Variants in PHYH observed in about 807,000 individuals in gnomAD.
PHYH encodes phytanoyl-CoA 2-hydroxylase, also known as phytanoyl-CoA dioxygenase, peroxisomal.
PHYH carries 32 observed loss-of-function variants against 38.5 expected under a neutral mutation model. The ratio of observed to expected loss-of-function variants is 0.83; its 90% CI spans 0.63 to 1.12. The LOEUF (loss-of-function observed/expected upper bound fraction) is 1.12, where lower values mean the gene tolerates loss of function less well. PHYH is among the 50% of genes most tolerant of loss of function. The pLI is 0.00. For missense variants in PHYH, 426 were observed against 434.8 expected (o/e 0.98, Z 0.18); for synonymous variants, 166 against 157.9 (o/e 1.05, Z -0.38).
intron 2 of PHYH, among the ~76,000 whole-genome samples, chr10:13,296,270 T>TGTTCAAAATGTTAACTATG (rs11271295): frequency 0.49 from 73,746 of 151,440 alleles, 19,058 homozygotes; most frequent in East Asian, 0.72. Flanking sequence ...TTACGCTTTA[T>TGTTCAAAATGTTAACTATG]GTCACCAAAA....
At chr10:13,297,299 T>C (rs1309992623) in intron 2 of PHYH, among the ~76,000 whole-genome samples, 1 of 152,184 alleles carries the variant, frequency 6.6e-6, no homozygotes, top group African/African-American at 2.4e-5. Context: ...AGCATACCCA[T>C]AAACTCAAAT....
chr10:13,297,870 G>C (rs1199962417), intron 2 of PHYH, among the ~76,000 whole-genome samples: 1 of 151,994 alleles, frequency 6.6e-6, no homozygotes, highest in Admixed American at 6.5e-5. Context: ...CAAGGCAGGA[G>C]GATTGCTTTA....
intron 2 of PHYH, among the ~76,000 whole-genome samples, chr10:13,297,629 T>C (rs1832598022): frequency 6.6e-6 from 1 of 151,910 alleles, no homozygotes; most frequent in Non-Finnish European, 1.5e-5. Flanking sequence ...AATTTTTGTA[T>C]TTTTTCATTT....
chr10:13,278,499 T>C, intron 8 of PHYH, 145 bp from the exon 9 acceptor site: 1 of 691,052 alleles, frequency 1.4e-6, no homozygotes, highest in East Asian at 2.7e-5. Flanking sequence ...TTATATTCAT[T>C]AGTAAACAAA....
Position 13,280,958 on chromosome 10 carries a change from T to C in PHYH, c.963+18A>G. The C allele has an allele frequency of 6.2e-7, 1 of 1,612,272 alleles. No individual in the cohort carries two copies. On this transcript the variant is annotated intron_variant, in intron 8 of 8. Transcript: ENST00000263038. ...GAAAAACCTGAGATTTTTACCTTGC[T>C]ATTGTATACAAACATACCTTCAAGT... is the stretch of plus-strand genomic sequence containing the variant.
chr10:13,284,766 G>T (rs72781351), intron 6 of PHYH, among the ~76,000 whole-genome samples: 1 of 152,130 alleles, frequency 6.6e-6, no homozygotes, highest in African/African-American at 2.4e-5. Flanking sequence ...CTTTATTAAA[G>T]AAATTGACAT....
intron 1 of PHYH, among the ~76,000 whole-genome samples, chr10:13,298,562 G>T (rs1030960951): frequency 1.3e-5 from 2 of 151,960 alleles, no homozygotes; most frequent in African/African-American, 4.8e-5. Flanking sequence ...TTAGCCAGGC[G>T]TGGTGGCGTT....
chr10:13,296,050 C>A (rs547655040), intron 2 of PHYH, among the ~76,000 whole-genome samples: 1 of 151,854 alleles, frequency 6.6e-6, no homozygotes, highest in Non-Finnish European at 1.5e-5. Flanking sequence ...CACCTGTAAT[C>A]CCAGCTACCC....
At chr10:13,281,227 G>A (rs1232120650) in intron 7 of PHYH, 117 bp from the exon 8 acceptor site, 1 of 1,026,760 alleles carries the variant, frequency 9.7e-7, no homozygotes, top group East Asian at 2.5e-5. Flanking sequence ...ATTTCTAAGT[G>A]GAAAGTCAGG....
chr10:13,279,048 G>C (rs1336729687), intron 8 of PHYH, among the ~76,000 whole-genome samples: 2 of 151,676 alleles, frequency 1.3e-5, no homozygotes, highest in Non-Finnish European at 2.9e-5. Context: ...GCCCAGGCTG[G>C]AGTGCAATGG....
chr10:13,294,017 T>G (rs71489192), intron 4 of PHYH, among the ~76,000 whole-genome samples: 105,537 of 151,068 alleles, frequency 0.7, 37,768 homozygotes, highest in East Asian at 0.89. Context: ...GCCTGAGCAA[T>G]ATGGTGAAAC....
At chr10:13,299,918 G>C (rs1832704523) in intron 1 of PHYH, 50 bp downstream of exon 1, 1 of 1,490,536 alleles carries the variant, frequency 6.7e-7, no homozygotes, top group East Asian at 2.8e-5. Flanking sequence ...CACTCAGGCG[G>C]CGGCGCCGGC....
chr10:13,284,939 C>G (rs1835509515), intron 6 of PHYH, among the ~76,000 whole-genome samples: 1 of 152,084 alleles, frequency 6.6e-6, no homozygotes, highest in South Asian at 2.1e-4. Context: ...CCACACTAAG[C>G]TAATCATACC....
chr10:13,299,655 G>T lies in PHYH; in HGVS notation c.75+313C>A, dbSNP rs1367280554. 3 of 1,187,710 alleles carry T rather than the reference G, an allele frequency of 2.5e-6. No individual in the cohort carries two copies. In the African/African-American group the frequency reaches 4.9e-5, roughly 19 times the overall value. The allele number at this position is 1,187,710 out of a possible 1,614,324, so 73.6% of individuals were successfully genotyped here. A position where few individuals can be genotyped will look rare whatever the true frequency, so the allele number is the denominator to read the frequency against. ...CTCTGGGTCTCTGGACAGCTGCCGGGGTCACGCGCCGCCGGTGAAACGACG... is the reference window on the plus strand; with the variant it reads ...CTCTGGGTCTCTGGACAGCTGCCGGTGTCACGCGCCGCCGGTGAAACGACG... On this transcript the variant is annotated intron_variant, in intron 1 of 8. Transcript: ENST00000263038.
At chr10:13,292,512 A>G (rs919872497) in intron 4 of PHYH, among the ~76,000 whole-genome samples, 3 of 152,204 alleles carry the variant, frequency 2.0e-5, no homozygotes, top group Admixed American at 6.5e-5. Flanking sequence ...GGGACACTGC[A>G]TTATGAAGAA....
At chr10:13,285,606 CTTTTTT>C (rs36040564) in intron 6 of PHYH, among the ~76,000 whole-genome samples, 2 of 127,540 alleles carry the variant, frequency 1.6e-5, no homozygotes, top group South Asian at 2.5e-4. Context: ...CTTTTCTTTT[CTTTTTT>C]TTTTTTTTTT....
At chr10:13,294,818 G>A (rs546588290) in intron 3 of PHYH, 340 of 561,588 alleles carry the variant, frequency 6.1e-4, no homozygotes, top group African/African-American at 5.3e-3. Flanking sequence ...CAGTAGGGAA[G>A]TCTTTTTATA....
At chr10:13,282,586 C>A in intron 7 of PHYH, among the ~76,000 whole-genome samples, 1 of 116,966 alleles carries the variant, frequency 8.5e-6, no homozygotes, top group Non-Finnish European at 1.7e-5. Flanking sequence ...AGTGAGACTC[C>A]ACCTCAAAAA....
intron 6 of PHYH, among the ~76,000 whole-genome samples, chr10:13,286,619 G>A (rs1835556094): frequency 6.6e-6 from 1 of 151,266 alleles, no homozygotes; most frequent in Non-Finnish European, 1.5e-5. Flanking sequence ...GAAAATTGCT[G>A]GAACAAGGGA....
Sources: allele counts gnomAD v4.1 joint callset (sites outside exome capture counted in the v4.1 genomes callset), GRCh38; gene constraint gnomAD v4.1.1; transcripts MANE v1.5; gene names NCBI Gene and HGNC (gene_info 2026-07-23, HGNC 2026-07-21).